The following SFXN2 variants were observed in gnomAD, a reference collection of about 807,000 sequenced individuals.
The protein encoded by SFXN2 is sideroflexin-2.
In SFXN2, 37 loss-of-function variants were observed where a neutral mutation model predicts 41.9. The observed-to-expected ratio is 0.88, with a 90% confidence interval of 0.68 to 1.16. SFXN2 has a LOEUF of 1.16. SFXN2 is among the 50% of genes most tolerant of loss of function. The pLI is 0.00. For synonymous variants in SFXN2, 150 were observed against 156.7 expected, an observed-to-expected ratio of 0.96 and a Z score of 0.32; for missense variants, 386 against 425.2, an observed-to-expected ratio of 0.91 and a Z score of 0.81.
chr10:102,719,245 A>T (rs1480529366), intron 1 of SFXN2, among the ~76,000 whole-genome samples: 2 of 142,254 alleles, frequency 1.4e-5, no homozygotes, highest in Non-Finnish European at 3.0e-5. Flanking sequence ...TTTTTGAGAC[A>T]GAGTCTCACT....
chr10:102,731,664 G>A, intron 6 of SFXN2, 59 bp from the exon 7 acceptor site: 1 of 1,498,760 alleles, frequency 6.7e-7, no homozygotes, highest in South Asian at 1.2e-5. Flanking sequence ...GGCATGTCAT[G>A]TGGCTGGCAG....
chr10:102,736,095 C>T (rs530030464), intron 11 of SFXN2, among the ~76,000 whole-genome samples, 186 bp downstream of exon 11: 1 of 152,228 alleles, frequency 6.6e-6, no homozygotes, highest in Non-Finnish European at 1.5e-5. Context: ...GAAAACAGAT[C>T]TGCGAGGGGC....
At chr10:102,726,502 G>A in intron 1 of SFXN2, 110 bp from the exon 2 acceptor site, 2 of 1,135,012 alleles carry the variant, frequency 1.8e-6, no homozygotes, top group Non-Finnish European at 1.3e-6. Flanking sequence ...TGAGTCAGAC[G>A]ATGCCCAGTA....
chr10:102,743,292 C>T lies in SFXN2; in HGVS notation c.*5530C>T, dbSNP rs1842816052. On this transcript the variant is annotated 3_prime_UTR_variant, in exon 12 of 12. Transcript: ENST00000369893. Reference sequence around the variant, plus strand: ...GATTGAAGCAATGGATGATGGATTTCAGAGCAATTTGTGAAGTAGAACCAG... The same window carrying T: ...GATTGAAGCAATGGATGATGGATTTTAGAGCAATTTGTGAAGTAGAACCAG... 6.6e-6 allele frequency: 1 copy of T among 152,212 alleles called. No homozygotes were observed. The allele number at this position is 152,212 out of a possible 1,614,324, so 9.4% of individuals were successfully genotyped here. A position where few individuals can be genotyped will look rare whatever the true frequency, so the allele number is the denominator to read the frequency against.
rs1368889315 is a variant in SFXN2 at position 102,726,975 on chromosome 10, C to T, written c.162-12C>T. The T allele has an allele frequency of 3.8e-6, 6 of 1,592,224 alleles. No homozygotes were observed. The highest frequency in any genetic ancestry group is 4.3e-6 in the Non-Finnish European group (5 of 1,163,220). On this transcript the variant is annotated splice_polypyrimidine_tract_variant and intron_variant, in intron 2 of 11. Coordinates refer to ENST00000369893, the MANE Select transcript of SFXN2 (RefSeq NM_178858.6). ...GGCAGGATGGTGACTGCCTGCTGTC[C>T]TTGGGTGGCAGGATGGGGGTTGTGC...
intron 1 of SFXN2, among the ~76,000 whole-genome samples, chr10:102,724,070 AGATATTTGGTTTTCTTACTTATAAATGT>A (rs541158282): frequency 0.012 from 1,825 of 152,070 alleles, 31 homozygotes; most frequent in African/African-American, 0.041. Flanking sequence ...CTTTTAAGTG[AGATATTTGGTTTTCTTACTTATAAATGT>A]GATATTTGGT....
intron 11 of SFXN2, among the ~76,000 whole-genome samples, chr10:102,736,563 C>T (rs1011207781): frequency 7.9e-5 from 12 of 151,988 alleles, no homozygotes; most frequent in Non-Finnish European, 1.8e-4. Context: ...ATTATAGGCA[C>T]GTGCCACCAC....
chr10:102,723,312 C>T (rs1027950710), intron 1 of SFXN2, among the ~76,000 whole-genome samples: 1 of 151,060 alleles, frequency 6.6e-6, no homozygotes, highest in Non-Finnish European at 1.5e-5. Context: ...AGTGCAGTGG[C>T]GTGATCTCGG....
At position 102,733,600 on chromosome 10, in the gene SFXN2, G is replaced by A. The variant is rs201567847; in HGVS notation, c.818G>A (p.Cys273Tyr). The stretch of plus-strand genomic sequence containing the variant: ...CCATTGCAGGTCATGCTGAGCGGGT[G>A]CTTGTAAGTATCATATTTTGATGAT... ...HAPLQVMLSG[C>Y]FLIFMVPVAC... The change falls in exon 10 of 12, where the codon TGC becomes TAC. Residue 273 changes from cysteine (C) to tyrosine (Y), a missense_variant. By Grantham distance (194) the Cys-to-Tyr change is radical. Coordinates refer to ENST00000369893, the MANE Select transcript of SFXN2 (RefSeq NM_178858.6). 9.3e-6 allele frequency: 15 copies of A among 1,613,918 alleles called. No homozygotes were observed. In the African/African-American group the frequency reaches 1.7e-4, roughly 19 times the overall value.
intron 6 of SFXN2, among the ~76,000 whole-genome samples, chr10:102,731,264 CAAAAAAAAAAA>C (rs368931070): frequency 2.3e-5 from 2 of 85,204 alleles, no homozygotes; most frequent in East Asian, 1.0e-3. Flanking sequence ...GCGATTGTCT[CAAAAAAAAAAA>C]AAAAAAAAAA....
chr10:102,719,069 G>A (rs1298358203), intron 1 of SFXN2, among the ~76,000 whole-genome samples: 3 of 151,544 alleles, frequency 2.0e-5, no homozygotes, highest in Non-Finnish European at 2.9e-5. Flanking sequence ...GATTACAGGC[G>A]CCTGCCACCA....
In SFXN2 at chr10:102,731,766, G is replaced by T; in HGVS notation, c.637G>T (p.Glu213Ter). The T allele has an allele frequency of 6.2e-7, 1 of 1,614,000 alleles. No homozygotes were observed. ...GICVKDRNEN[E>*]IGHSRRAAAI... is the part of the protein sequence containing the mutation. Reference sequence around the variant, plus strand: ...CTGCGTGAAGGACAGGAATGAAAATGAGATTGGTCATTCCCGGGTGAGCAG... The same window carrying T: ...CTGCGTGAAGGACAGGAATGAAAATTAGATTGGTCATTCCCGGGTGAGCAG... Residue 213 changes from glutamate to a stop codon, truncating the protein, a stop_gained, in exon 7 of 12, where the codon GAG becomes TAG. Transcript: ENST00000369893. LOFTEE classifies it high-confidence loss of function.
In SFXN2 at chr10:102,729,367, G is replaced by A. The variant is rs140033497; in HGVS notation, c.480G>A (p.Thr160=). The A allele has an allele frequency of 5.0e-6, 8 of 1,614,034 alleles. No homozygotes were observed. The East Asian group carries it at 6.7e-5, about 13-fold the overall frequency. The change falls in exon 5 of 12, where the codon ACG becomes ACA. Residue 160 remains threonine (T), a synonymous_variant. Coordinates refer to ENST00000369893, the MANE Select transcript of SFXN2 (RefSeq NM_178858.6). The stretch of plus-strand genomic sequence containing the variant: ...CAGCCACAACCACTGCTGTGGCCAC[G>A]GCTGTGGGCATGAACATGTTGACAA... ...YFTATTTAVA[T]AVGMNMLTKK...
At chr10:102,733,716 G>A (rs1305567412) in intron 10 of SFXN2, 113 bp downstream of exon 10, 3 of 893,972 alleles carry the variant, frequency 3.4e-6, no homozygotes, top group South Asian at 2.9e-5. Context: ...CTTTAAAAGT[G>A]GTCAAGCTCA....
rs547380425 is a variant in SFXN2 at position 102,736,921 on chromosome 10, G to A, written c.870-742G>A. ...TGTAACCCCAGCACTTTGGGAGGCC[G>A]AGGTGGGCAGATCACCTGAGGTCGA... On this transcript the variant is annotated intron_variant, in intron 11 of 11. Coordinates refer to ENST00000369893, the MANE Select transcript of SFXN2 (RefSeq NM_178858.6). Among the ~76,000 whole-genome samples, 4 of 151,742 alleles carry A rather than the reference G, an allele frequency of 2.6e-5. No individual in the cohort carries two copies. In the East Asian group the frequency reaches 6.0e-4, roughly 23 times the overall value.
intron 1 of SFXN2, among the ~76,000 whole-genome samples, chr10:102,720,935 A>G (rs1270634217): frequency 2.0e-5 from 3 of 152,134 alleles, no homozygotes. Context: ...AAATTCCTCA[A>G]TTGTTTGGCT....
intron 5 of SFXN2, 47 bp from the exon 6 acceptor site, chr10:102,729,676 T>C (rs2064670141): frequency 2.5e-6 from 4 of 1,581,834 alleles, no homozygotes; most frequent in Admixed American, 1.7e-5. Context: ...TCCCCTCCCA[T>C]CTTCCAGCGC....
intron 1 of SFXN2, among the ~76,000 whole-genome samples, chr10:102,720,258 C>CTCCA (rs373221843): frequency 3.5e-4 from 48 of 136,724 alleles, no homozygotes; most frequent in African/African-American, 1.2e-3. Flanking sequence ...CACCACTGCA[C>CTCCA]TCCAGTCTGG....
rs181233635 is a variant in SFXN2 at position 102,734,324 on chromosome 10, A to G, written c.821+721A>G. ...AACTGGAGATGTCCTAGCGTTCACCATGCATTTCAGGGCCACGAGACTAAT... is the reference window on the plus strand; with the variant it reads ...AACTGGAGATGTCCTAGCGTTCACCGTGCATTTCAGGGCCACGAGACTAAT... On this transcript the variant is annotated intron_variant, in intron 10 of 11. Coordinates refer to ENST00000369893, the MANE Select transcript of SFXN2 (RefSeq NM_178858.6). This position sits in a 1 kb window ranked among gnomAD's most constrained non-coding sequence, Gnocchi z 4.1. Among the ~76,000 whole-genome samples the G allele has an allele frequency of 2.0e-4, 30 of 152,270 alleles. No homozygotes were observed. In the East Asian group the frequency reaches 5.6e-3, roughly 28 times the overall value.
Sources: gnomAD v4.1 joint callset for allele counts (sites outside exome capture counted in the v4.1 genomes callset) on GRCh38, gnomAD v4.1.1 for gene constraint, Gnocchi (gnomAD v3.1) non-coding constraint, MANE v1.5 for transcripts, NCBI Gene and HGNC (gene_info 2026-07-23, HGNC 2026-07-21) for gene names.